Variants in ZNF606 observed in about 807,000 individuals in gnomAD.
The protein encoded by ZNF606 is zinc finger protein 606.
ZNF606 carries 37 observed loss-of-function variants against 74.9 expected under a neutral mutation model. The ratio of observed to expected loss-of-function variants is 0.49; its 90% CI spans 0.38 to 0.65. The LOEUF (loss-of-function observed/expected upper bound fraction) is 0.65, where lower values mean the gene tolerates loss of function less well. Ranked by LOEUF, ZNF606 falls within the 30% of genes least tolerant of loss-of-function variation. ZNF606 has a pLI of 0.00. For missense variants in ZNF606, 852 were observed against 952.9 expected (o/e 0.89, Z 1.39); for synonymous variants, 328 against 312.4 (o/e 1.05, Z -0.53).
chr19:58,002,161 C>A lies in ZNF606; in HGVS notation c.-52+235G>T, dbSNP rs976081409. ...TTTGCAACTTGACAGTGACCGCCGC[C>A]GTCACTGCATGTTTAAGGGAACCCG... is the stretch of plus-strand genomic sequence containing the variant. On this transcript the variant is annotated intron_variant, in intron 1 of 6. Transcript: ENST00000551380. 1.5e-5 allele frequency: 7 copies of A among 456,706 alleles called. No individual in the cohort carries two copies. In the Admixed American group the frequency reaches 1.6e-4, roughly 11 times the overall value. The allele number at this position is 456,706 out of a possible 1,614,324, so 28.3% of individuals were successfully genotyped here.
intron 2 of ZNF606, among the ~76,000 whole-genome samples, chr19:58,000,959 T>C (rs1256504120): frequency 6.6e-6 from 1 of 152,136 alleles, no homozygotes; most frequent in African/African-American, 2.4e-5. Flanking sequence ...CAATGCTATA[T>C]AAGTAAAAAC....
rs150182801 is a variant in ZNF606 at position 57,979,189 on chromosome 19, A to G, written c.1491T>C (p.Ser497=). ...GAGTCCTCTGATGTCCAATAAGATG[A>G]GAGTTCCAGTTGAAAGATTTCCCAC... ...NECGKSFNWN[S]HLIGHQRTHT... The change falls in exon 7 of 7, where the codon TCT becomes TCC. Residue 497 remains serine, a synonymous_variant. Coordinates refer to ENST00000551380, the MANE Select transcript of ZNF606 (RefSeq NM_001348022.3). 5.0e-6 allele frequency: 8 copies of G among 1,613,728 alleles called. No homozygotes were observed. The African/African-American group carries it at 1.1e-4, about 22-fold the overall frequency.
intron 3 of ZNF606, chr19:58,000,245 T>G (rs372353841): frequency 4.2e-5 from 17 of 403,622 alleles, no homozygotes; most frequent in African/African-American, 3.1e-4. Context: ...TTTTTGAGAC[T>G]GAGTCTCGCT....
chr19:58,003,140 C>T (rs1600232963), upstream of ZNF606: 2 of 428,808 alleles, frequency 4.7e-6, no homozygotes, highest in African/African-American at 2.0e-5. Context: ...GAGTTCTCAG[C>T]GCTCTCGAGG....
chr19:57,987,683 C>T (rs945572181), intron 6 of ZNF606, among the ~76,000 whole-genome samples: 11 of 151,954 alleles, frequency 7.2e-5, no homozygotes, highest in Admixed American at 2.0e-4. Flanking sequence ...CAAAAACTAG[C>T]CAGGCATGGT....
chr19:57,987,556 G>C (rs904070911), intron 6 of ZNF606, among the ~76,000 whole-genome samples: 6 of 152,114 alleles, frequency 3.9e-5, no homozygotes, highest in African/African-American at 1.4e-4. Flanking sequence ...AGCCGGGAAC[G>C]GTGGCTCATG....
intron 4 of ZNF606, among the ~76,000 whole-genome samples, chr19:57,991,385 A>T (rs2073257499): frequency 6.6e-6 from 1 of 152,082 alleles, no homozygotes; most frequent in Admixed American, 6.5e-5. Context: ...CCCTCTATGA[A>T]ACACTCCCCA....
chr19:57,986,433 C>T (rs897496391), intron 6 of ZNF606, among the ~76,000 whole-genome samples: 1 of 151,910 alleles, frequency 6.6e-6, no homozygotes, highest in African/African-American at 2.4e-5. Flanking sequence ...GCCTGGGCAA[C>T]AGAGTGTCTT....
chr19:57,997,203 G>A (rs888530977), intron 4 of ZNF606, among the ~76,000 whole-genome samples: 1 of 152,238 alleles, frequency 6.6e-6, no homozygotes, highest in Non-Finnish European at 1.5e-5. Context: ...ACTGTTAACA[G>A]AGGGGTTTGA....
chr19:58,002,024 C>T, intron 1 of ZNF606: 2 of 375,512 alleles, frequency 5.3e-6, no homozygotes, highest in South Asian at 3.9e-5. Context: ...AGTCAGCAAC[C>T]TCTCGAATGG....
At chr19:57,983,578 C>CA (rs143411161) in intron 6 of ZNF606, among the ~76,000 whole-genome samples, 4,016 of 119,980 alleles carry the variant, frequency 0.033, 78 homozygotes, top group Non-Finnish European at 0.054. Flanking sequence ...AACTCCGTCT[C>CA]AAAAAAAAAA....
At chr19:57,983,570 C>A (rs2073121212) in intron 6 of ZNF606, among the ~76,000 whole-genome samples, 1 of 148,138 alleles carries the variant, frequency 6.8e-6, no homozygotes, top group Admixed American at 6.7e-5. Flanking sequence ...AAGGGCAAAA[C>A]TCCGTCTCAA....
rs2073110861 is a variant in ZNF606, at chr19:57,983,098, C to G, written c.401-2819G>C. Among the ~76,000 whole-genome samples, 3 of 152,178 alleles carry G rather than the reference C, an allele frequency of 2.0e-5. No homozygotes were observed. In the South Asian group the frequency reaches 6.2e-4, roughly 32 times the overall value. On this transcript the variant is annotated intron_variant, in intron 6 of 6. Transcript: ENST00000551380. Reference sequence around the variant, plus strand: ...TTACAAATGGAAGCTGACCAATTCCCTGACCAAATGAAAGACCAACTGAAA... The same window carrying G: ...TTACAAATGGAAGCTGACCAATTCCGTGACCAAATGAAAGACCAACTGAAA...
At chr19:57,999,598 C>T in intron 4 of ZNF606, 1 of 562,822 alleles carries the variant, frequency 1.8e-6, no homozygotes, top group Non-Finnish European at 3.2e-6. Flanking sequence ...AGAGTTGGAG[C>T]TCAGTACTGT....
chr19:57,998,702 T>TTA (rs2073373398), intron 4 of ZNF606: 1 of 151,942 alleles, frequency 6.6e-6, no homozygotes, highest in Non-Finnish European at 1.5e-5. Context: ...AGGATAAACT[T>TTA]TATAATATGT....
chr19:57,993,836 C>T (rs748015474), intron 4 of ZNF606, among the ~76,000 whole-genome samples: 36 of 152,130 alleles, frequency 2.4e-4, no homozygotes, highest in Non-Finnish European at 4.1e-4. Flanking sequence ...TGCAGGCCCA[C>T]GAAACCCAGG....
rs561056086 is a variant in ZNF606 at position 57,999,732 on chromosome 19, T to C, written c.177+76A>G. ...TACCCAAACTCCAACTGTTGTAAAC[T>C]GGAGAGCCGCATCAACTGGGATGAC... is the stretch of plus-strand genomic sequence containing the variant. On this transcript the variant is annotated intron_variant, in intron 4 of 6. Coordinates refer to ENST00000551380, the MANE Select transcript of ZNF606 (RefSeq NM_001348022.3). 48 of 1,447,090 alleles carry C rather than the reference T, an allele frequency of 3.3e-5. No individual in the cohort carries two copies. The African/African-American group carries it at 6.5e-4, about 20-fold the overall frequency. The allele number at this position is 1,447,090 out of a possible 1,614,324, so 89.6% of individuals were successfully genotyped here. A position where few individuals can be genotyped will look rare whatever the true frequency, so the allele number is the denominator to read the frequency against.
At chr19:57,982,457 C>T (rs553909280) in intron 6 of ZNF606, among the ~76,000 whole-genome samples, 1 of 152,202 alleles carries the variant, frequency 6.6e-6, no homozygotes, top group Admixed American at 6.5e-5. Flanking sequence ...TACAAGGTGC[C>T]CCATTCACAA....
intron 2 of ZNF606, 119 bp from the exon 3 acceptor site, chr19:58,000,858 G>A: frequency 2.1e-6 from 2 of 957,796 alleles, no homozygotes; most frequent in East Asian, 2.6e-5. Flanking sequence ...AGAGCCCAAG[G>A]GTGTGTAAAA....
Sources: gnomAD v4.1 joint callset for allele counts (sites outside exome capture counted in the v4.1 genomes callset) on GRCh38, gnomAD v4.1.1 for gene constraint, MANE v1.5 for transcripts, NCBI Gene and HGNC (gene_info 2026-07-23, HGNC 2026-07-21) for gene names.